The following TEKT1 variants were observed in gnomAD, a reference collection of about 807,000 sequenced individuals.
TEKT1 encodes tektin 1.
In TEKT1, 32 loss-of-function variants were observed where a neutral mutation model predicts 34.8. That is an observed-to-expected ratio of 0.92 (90% CI 0.69 to 1.23). TEKT1 has a LOEUF of 1.23. TEKT1 is among the 50% of genes most tolerant of loss of function. TEKT1 has a pLI of 0.00. For missense variants in TEKT1, 492 were observed against 518.5 expected (o/e 0.95, Z 0.50); for synonymous variants, 207 against 199.8 (o/e 1.04, Z -0.30).
At chr17:6,819,440 T>C in intron 2 of TEKT1, 82 bp from the exon 3 acceptor site, 1 of 1,405,110 alleles carries the variant, frequency 7.1e-7, no homozygotes, top group Non-Finnish European at 9.5e-7. Context: ...AAGACTGTTG[T>C]AAAACCACCT....
At chr17:6,821,242 C>T (rs772291625) in intron 2 of TEKT1, among the ~76,000 whole-genome samples, 3 of 152,192 alleles carry the variant, frequency 2.0e-5, no homozygotes, top group Non-Finnish European at 2.9e-5. Context: ...TTATCCTCAC[C>T]TGTTGAGGGA....
chr17:6,804,332 G>A (rs1976817182), intron 6 of TEKT1, among the ~76,000 whole-genome samples: 1 of 152,130 alleles, frequency 6.6e-6, no homozygotes, highest in Non-Finnish European at 1.5e-5. Context: ...CTTTGCTGAA[G>A]TTGCTTATCA....
rs778916011 is a variant in TEKT1, at chr17:6,812,952, C to T, written c.731G>A (p.Arg244Gln). ...NSLMLKALVD[R>Q]ILSQTANDLR... is the part of the protein sequence containing the mutation. ...ATCATTGGCTGTCTGGGACAGGATTCGATCCACCAGGGCTTTCAGCATCAG... is the reference window on the plus strand; with the variant it reads ...ATCATTGGCTGTCTGGGACAGGATTTGATCCACCAGGGCTTTCAGCATCAG... Residue 244 changes from arginine to glutamine, a missense_variant, in exon 6 of 8, where the codon CGA (arginine) becomes CAA (glutamine). Transcript: ENST00000338694. 95 of 1,614,204 alleles carry T rather than the reference C, an allele frequency of 5.9e-5. No individual in the cohort carries two copies. In the Middle Eastern group the frequency reaches 6.6e-4, roughly 11 times the overall value.
intron 6 of TEKT1, among the ~76,000 whole-genome samples, chr17:6,804,569 C>A (rs1976820267): frequency 6.6e-6 from 1 of 152,146 alleles, no homozygotes; most frequent in Non-Finnish European, 1.5e-5. Context: ...CCAGTGTTTG[C>A]CCATTCAGTA....
chr17:6,827,260 T>C lies in TEKT1; in HGVS notation c.190+2927A>G, dbSNP rs537755255. ...CTTCTTTAAGATAGTTGTGCCAATT[T>C]TTTTTTTTTTTTTTTTTTGAGATGG... is the stretch of plus-strand genomic sequence containing the variant. On this transcript the variant is annotated intron_variant, in intron 2 of 7. Coordinates refer to ENST00000338694, the MANE Select transcript of TEKT1 (RefSeq NM_053285.2). 6.7e-4 allele frequency among the ~76,000 whole-genome samples: 94 copies of C among 140,236 alleles called. 1 individual carries two copies. Among genetic ancestry groups the C allele is most frequent in the Admixed American group, 1.5e-3 (22 of 14,546 alleles). The allele number at this position is 140,236 out of a possible 152,430, so 92.0% of individuals were successfully genotyped here. A position where few individuals can be genotyped will look rare whatever the true frequency, so the allele number is the denominator to read the frequency against.
Position 6,819,302 on chromosome 17 carries a change from G to C in TEKT1, c.247C>G (p.Gln83Glu), listed in dbSNP as rs1467364450. ...WKKELDDKLE[Q>E]LVNVTDDLLI... ...AGATCATCAGTTACATTCACAAGCT[G>C]CTCAAGTTTGTCATCTAACTCCTTC... Residue 83 changes from glutamine (Q) to glutamate (E), a missense_variant, in exon 3 of 8, where the codon CAG (glutamine) becomes GAG (glutamate). Gln to Glu is a conservative substitution (Grantham distance 29). Coordinates refer to ENST00000338694, the MANE Select transcript of TEKT1 (RefSeq NM_053285.2). The C allele has an allele frequency of 6.2e-7, 1 of 1,613,930 alleles. No homozygotes were observed. The highest frequency in any genetic ancestry group is 2.2e-5 in the East Asian group (1 of 44,874).
At chr17:6,807,782 G>A (rs1002879577) in intron 6 of TEKT1, among the ~76,000 whole-genome samples, 31 of 152,154 alleles carry the variant, frequency 2.0e-4, no homozygotes, top group African/African-American at 4.1e-4. Flanking sequence ...GCAGAACAGC[G>A]GATATTGGTG....
Position 6,799,809 on chromosome 17 carries a change from G to A in TEKT1, c.*218C>T, listed in dbSNP as rs1196700411. On this transcript the variant is annotated 3_prime_UTR_variant, in exon 8 of 8. Coordinates refer to ENST00000338694, the MANE Select transcript of TEKT1 (RefSeq NM_053285.2). ...CAAGTCCTGTGATATTGTAAGAGTGGCCTGTGCTAAAATATGGAGTTGAAT... is the reference window on the plus strand; with the variant it reads ...CAAGTCCTGTGATATTGTAAGAGTGACCTGTGCTAAAATATGGAGTTGAAT... The A allele has an allele frequency of 1.5e-5, 7 of 467,930 alleles. No homozygotes were observed. The highest frequency in any genetic ancestry group is 1.4e-4 in the African/African-American group (7 of 50,800). 29.0% of individuals were successfully genotyped at this position (467,930 alleles called of 1,614,324 possible).
chr17:6,815,794 T>C, intron 4 of TEKT1, 40 bp downstream of exon 4: 1 of 1,610,720 alleles, frequency 6.2e-7, no homozygotes, highest in Admixed American at 1.7e-5. Context: ...TTTCTCAAAA[T>C]TCCCAGTGGA....
intron 2 of TEKT1, among the ~76,000 whole-genome samples, chr17:6,822,333 C>T (rs1170110299): frequency 6.6e-6 from 1 of 152,106 alleles, no homozygotes; most frequent in East Asian, 1.9e-4. Context: ...GCAAGGGTCT[C>T]TCTGTGTTGC....
At chr17:6,816,976 A>C (rs922568739) in intron 3 of TEKT1, among the ~76,000 whole-genome samples, 6 of 152,174 alleles carry the variant, frequency 3.9e-5, no homozygotes, top group Non-Finnish European at 5.9e-5. Context: ...AGCCAGATGG[A>C]CTTTTTTTCC....
chr17:6,830,118 T>C lies in TEKT1; in HGVS notation c.190+69A>G, dbSNP rs1008281870. ...AATAATATGTTGCCACATCTGAACA[T>C]GACACTATAGCTAAACTCAACAGCC... On this transcript the variant is annotated intron_variant, in intron 2 of 7. Transcript: ENST00000338694. 18 of 1,441,520 alleles carry C rather than the reference T, an allele frequency of 1.2e-5. 1 individual carries two copies. In the Admixed American group the frequency reaches 4.3e-4, roughly 34 times the overall value. The allele number at this position is 1,441,520 out of a possible 1,614,324, so 89.3% of individuals were successfully genotyped here.
chr17:6,817,079 T>C (rs754185066), intron 3 of TEKT1, among the ~76,000 whole-genome samples: 2 of 152,122 alleles, frequency 1.3e-5, no homozygotes, highest in East Asian at 3.8e-4. Context: ...CAATTGAACA[T>C]AGAAAGATGT....
At chr17:6,816,342 AT>A (rs1977008532) in intron 3 of TEKT1, among the ~76,000 whole-genome samples, 1 of 152,122 alleles carries the variant, frequency 6.6e-6, no homozygotes, top group African/African-American at 2.4e-5. Flanking sequence ...TCAACTCATC[AT>A]TTATATTATG....
At chr17:6,816,174 A>C (rs1004648407) in intron 3 of TEKT1, among the ~76,000 whole-genome samples, 1 of 152,204 alleles carries the variant, frequency 6.6e-6, no homozygotes, top group South Asian at 2.1e-4. Context: ...ATGACTGGTC[A>C]CTTGGTCTGA....
intron 2 of TEKT1, among the ~76,000 whole-genome samples, chr17:6,823,381 A>G (rs1597793457): frequency 6.6e-6 from 1 of 152,018 alleles, no homozygotes; most frequent in African/African-American, 2.4e-5. Context: ...GCTTTCTAAA[A>G]TCTTGATTTC....
In TEKT1 at chr17:6,800,200, GCT is replaced by G. The variant is rs756013216; in HGVS notation, c.1082_1083del (p.Glu361AlafsTer54). 50 of 1,614,038 alleles carry G rather than the reference GCT, an allele frequency of 3.1e-5. No individual in the cohort carries two copies. The highest frequency in any genetic ancestry group is 4.2e-5 in the Non-Finnish European group (49 of 1,180,038). On this transcript the variant is annotated frameshift_variant, in exon 8 of 8. Coordinates refer to ENST00000338694, the MANE Select transcript of TEKT1 (RefSeq NM_053285.2). LOFTEE classifies it high-confidence loss of function. ...LKETLAQAQAELKGLHRRQLA... is the reference protein window; with the variant it reads ...LKETLAQAQAXLKGLHRRQLA... ...AGCTGTCTGCGATGCAGCCCTTTCA[GCT>G]CTGCCTGAGCTTGGGCTAAAGTTTC...
intron 6 of TEKT1, 111 bp downstream of exon 6, chr17:6,812,720 C>G: frequency 9.4e-7 from 1 of 1,058,746 alleles, no homozygotes; most frequent in Non-Finnish European, 1.4e-6. Flanking sequence ...ACGAGTTAAC[C>G]CAATATCCCA....
chr17:6,801,787 A>G (rs557232117), intron 6 of TEKT1, among the ~76,000 whole-genome samples: 27 of 152,316 alleles, frequency 1.8e-4, no homozygotes, highest in Non-Finnish European at 3.8e-4. Context: ...CTGGTTTAAA[A>G]TATATTTCTT....
Sources: gnomAD v4.1 joint callset for allele counts (sites outside exome capture counted in the v4.1 genomes callset) on GRCh38, gnomAD v4.1.1 for gene constraint, MANE v1.5 for transcripts, NCBI Gene and HGNC (gene_info 2026-07-23, HGNC 2026-07-21) for gene names.